The following MARCHF10 variants were observed in gnomAD, a reference collection of about 807,000 sequenced individuals.
MARCHF10 encodes probable E3 ubiquitin-protein ligase MARCHF10.
A neutral mutation model predicts 76.2 loss-of-function variants in MARCHF10; 64 were observed. The ratio of observed to expected loss-of-function variants is 0.84; its 90% CI spans 0.69 to 1.03. The LOEUF is 1.03. Among genes scored for constraint, MARCHF10 ranks in the 50% least tolerant of loss-of-function variants. The probability of loss-of-function intolerance (pLI) is 0.00; values close to 1 mark genes in which losing one functional copy is unlikely to be tolerated. For synonymous variants in MARCHF10, 340 were observed against 357.5 expected (o/e 0.95, Z 0.55); for missense variants, 875 against 958.0 (o/e 0.91, Z 1.14).
chr17:62,771,892 C>T lies in MARCHF10; in HGVS notation c.211-11886G>A, dbSNP rs117534168. On this transcript the variant is annotated intron_variant, in intron 3 of 10. Coordinates refer to ENST00000311269, the MANE Select transcript of MARCHF10 (RefSeq NM_152598.4). ...ACCCCCAGCCTGCTTGTCAATATCTCTCTACCTGTGTTATAGAAAATGGGA... is the reference window on the plus strand; with the variant it reads ...ACCCCCAGCCTGCTTGTCAATATCTTTCTACCTGTGTTATAGAAAATGGGA... Among the ~76,000 whole-genome samples the T allele has an allele frequency of 2.2e-3, 340 of 152,282 alleles. 1 individual carries two copies. The highest frequency in any genetic ancestry group is 0.017 in the Middle Eastern group (5 of 294).
chr17:62,734,668 T>C (rs1179667374), intron 6 of MARCHF10, among the ~76,000 whole-genome samples: 2 of 152,210 alleles, frequency 1.3e-5, no homozygotes, highest in African/African-American at 4.8e-5. Context: ...TTACAGGTGA[T>C]TTTTCTTTTA....
At chr17:62,753,396 C>G (rs2091953175) in intron 4 of MARCHF10, among the ~76,000 whole-genome samples, 1 of 152,202 alleles carries the variant, frequency 6.6e-6, no homozygotes, top group Non-Finnish European at 1.5e-5. Flanking sequence ...CGTGAGCCAC[C>G]ACGCCTGGCC....
chr17:62,710,504 G>GAAA (rs35384965), intron 9 of MARCHF10, among the ~76,000 whole-genome samples: 1 of 121,160 alleles, frequency 8.3e-6, no homozygotes, highest in African/African-American at 3.1e-5. Flanking sequence ...ATGTGAGCCA[G>GAAA]AAAAAAAAAA....
chr17:62,779,679 A>G (rs1199472794), intron 3 of MARCHF10, among the ~76,000 whole-genome samples: 3 of 152,220 alleles, frequency 2.0e-5, no homozygotes, highest in Non-Finnish European at 4.4e-5. Context: ...ATTCTGGGAA[A>G]CAAAACCCTT....
chr17:62,748,158 G>A (rs1191996561), intron 4 of MARCHF10, among the ~76,000 whole-genome samples: 3 of 152,172 alleles, frequency 2.0e-5, no homozygotes, highest in African/African-American at 7.2e-5. Flanking sequence ...AGCACTTTAG[G>A]AGGCCAAGGT....
At chr17:62,778,682 C>CAAA (rs71357038) in intron 3 of MARCHF10, among the ~76,000 whole-genome samples, 30 of 100,804 alleles carry the variant, frequency 3.0e-4, no homozygotes, top group African/African-American at 1.0e-3. Context: ...GACTCTGTCT[C>CAAA]AAAAAAAAAA....
intron 10 of MARCHF10, among the ~76,000 whole-genome samples, chr17:62,702,691 AG>A (rs1386374054): frequency 1.3e-5 from 2 of 152,048 alleles, no homozygotes; most frequent in African/African-American, 4.8e-5. Flanking sequence ...AAAAGAAAAA[AG>A]AAAAGAAAGA....
In MARCHF10 at chr17:62,711,470, G is replaced by T. The variant is rs1450903106; in HGVS notation, c.2215-126C>A. ...AGAAGAGCCCAAGCTCCAAGGCAAG[G>T]CCTGCTCTTGGGGACCAGAAGACAG... On this transcript the variant is annotated intron_variant, in intron 8 of 10. Transcript: ENST00000311269. The surrounding 1 kb of genome is among the most constrained non-coding windows in gnomAD (Gnocchi z 4.4). 2 of 834,000 alleles carry T rather than the reference G, an allele frequency of 2.4e-6. No individual in the cohort carries two copies. The highest frequency in any genetic ancestry group is 2.7e-5 in the East Asian group (1 of 37,306). 51.7% of individuals were successfully genotyped at this position (834,000 alleles called of 1,614,324 possible).
rs546781771 is a variant in MARCHF10 at position 62,762,012 on chromosome 17, G to A, written c.211-2006C>T. On this transcript the variant is annotated intron_variant, in intron 3 of 10. Coordinates refer to ENST00000311269, the MANE Select transcript of MARCHF10 (RefSeq NM_152598.4). The stretch of plus-strand genomic sequence containing the variant: ...AAGGCAGGAAAAATGCTCCAGGCGA[G>A]GATGACCAACACCTGTGTCAGCAGC... Among the ~76,000 whole-genome samples the A allele has an allele frequency of 3.9e-5, 6 of 152,230 alleles. No individual in the cohort carries two copies. In the East Asian group the frequency reaches 1.2e-3, roughly 29 times the overall value.
chr17:62,744,658 C>T, intron 4 of MARCHF10, 130 bp from the exon 5 acceptor site: 1 of 915,756 alleles, frequency 1.1e-6, no homozygotes, highest in Non-Finnish European at 1.6e-6. Flanking sequence ...GAGAAGGGAC[C>T]CAGGAGGTCA....
chr17:62,756,117 G>A (rs1353925148), intron 4 of MARCHF10, among the ~76,000 whole-genome samples: 2 of 152,076 alleles, frequency 1.3e-5, no homozygotes, highest in African/African-American at 2.4e-5. Context: ...GCATGGTGGC[G>A]CATGTCTGTA....
At chr17:62,727,508 A>G (rs981528547) in intron 6 of MARCHF10, among the ~76,000 whole-genome samples, 3 of 152,066 alleles carry the variant, frequency 2.0e-5, no homozygotes, top group African/African-American at 7.2e-5. Flanking sequence ...GTCTCAAAAA[A>G]AAAGAAAAAA....
chr17:62,797,036 A>C (rs980381228), intron 2 of MARCHF10, among the ~76,000 whole-genome samples: 2 of 152,196 alleles, frequency 1.3e-5, no homozygotes, highest in African/African-American at 4.8e-5. Context: ...GGGAGAAAAA[A>C]AGACAATTTG....
At chr17:62,796,389 C>A (rs1055156930) in intron 2 of MARCHF10, among the ~76,000 whole-genome samples, 3 of 152,240 alleles carry the variant, frequency 2.0e-5, no homozygotes, top group Non-Finnish European at 2.9e-5. Context: ...TTGCTGCTCC[C>A]TGCAAAGCAG....
chr17:62,790,188 C>T (rs113462156), intron 2 of MARCHF10, among the ~76,000 whole-genome samples: 25,424 of 149,306 alleles, frequency 0.17, 5,916 homozygotes, highest in African/African-American at 0.53. Flanking sequence ...TTTTTTTTTT[C>T]CCCCCAAGAT....
chr17:62,770,943 C>T (rs1309547655), intron 3 of MARCHF10, among the ~76,000 whole-genome samples: 1 of 145,028 alleles, frequency 6.9e-6, no homozygotes, highest in Non-Finnish European at 1.5e-5. Context: ...GCAACCTCTG[C>T]CTCCCAGGTT....
At chr17:62,753,073 C>T (rs767034859) in intron 4 of MARCHF10, among the ~76,000 whole-genome samples, 1 of 152,092 alleles carries the variant, frequency 6.6e-6, no homozygotes, top group Non-Finnish European at 1.5e-5. Flanking sequence ...TGTAGCCTGA[C>T]CCTAAACCAG....
rs771926735 is a variant in MARCHF10, at chr17:62,736,417, T to C, written c.1451A>G (p.Asp484Gly). The C allele has an allele frequency of 1.2e-6, 2 of 1,614,136 alleles. No individual in the cohort carries two copies. The highest frequency in any genetic ancestry group is 2.2e-5 in the South Asian group (2 of 91,082). ...ASFMHSALRD[D>G]IPVDLSMSST... Reference sequence around the variant, plus strand: ...TGACATTGACAAGTCTACTGGAATATCATCTCTCAGAGCAGAATGCATGAA... The same window carrying C: ...TGACATTGACAAGTCTACTGGAATACCATCTCTCAGAGCAGAATGCATGAA... The change falls in exon 6 of 11, where the codon GAT becomes GGT. Residue 484 changes from aspartate (D) to glycine (G), a missense_variant. Asp to Gly is a moderately conservative substitution (Grantham distance 94, BLOSUM62 -1). Transcript: ENST00000311269.
In MARCHF10 at chr17:62,711,780, C is replaced by A. The variant is rs992063686; in HGVS notation, c.2215-436G>T. Among the ~76,000 whole-genome samples, 1 of 152,220 alleles carries A rather than the reference C, an allele frequency of 6.6e-6. No individual in the cohort carries two copies. Among genetic ancestry groups the A allele is most frequent in the African/African-American group, 2.4e-5 (1 of 41,450 alleles). On this transcript the variant is annotated intron_variant, in intron 8 of 10. Transcript: ENST00000311269. The surrounding 1 kb of genome is among the most constrained non-coding windows in gnomAD (Gnocchi z 4.4). ...TGTGTCGGGTGCTACAACAGAGATG[C>A]ACCAGGCCTTGTCCATAACGTTCTC...
Sources: allele counts gnomAD v4.1 joint callset (sites outside exome capture counted in the v4.1 genomes callset), GRCh38; gene constraint gnomAD v4.1.1; non-coding constraint Gnocchi (gnomAD v3.1); transcripts MANE v1.5; gene names NCBI Gene and HGNC (gene_info 2026-07-23, HGNC 2026-07-21).